PIWIL2: variants seen among roughly 807,000 people sequenced by gnomAD.
PIWIL2 encodes the protein piwi like RNA-mediated gene silencing 2.
A neutral mutation model predicts 116.5 loss-of-function variants in PIWIL2; 81 were observed. The ratio of observed to expected loss-of-function variants is 0.70; its 90% CI spans 0.58 to 0.84. The LOEUF (loss-of-function observed/expected upper bound fraction) is 0.84, where lower values mean the gene tolerates loss of function less well. Among genes scored for constraint, PIWIL2 ranks in the 40% least tolerant of loss-of-function variants. The pLI is 0.00. For synonymous variants in PIWIL2, 489 were observed against 429.5 expected (o/e 1.14, Z -1.71); for missense variants, 1,272 against 1,212.3 (o/e 1.05, Z -0.73).
At chr8:22,290,447 G>GT (rs1360217835) in intron 10 of PIWIL2, 101 bp downstream of exon 10, 4 of 664,060 alleles carry the variant, frequency 6.0e-6, no homozygotes, top group Non-Finnish European at 8.0e-6. Flanking sequence ...CTGTTTGTTT[G>GT]TTTTTTCCCC....
intron 10 of PIWIL2, among the ~76,000 whole-genome samples, chr8:22,290,789 T>C (rs531178380): frequency 3.9e-5 from 6 of 151,972 alleles, no homozygotes; most frequent in South Asian, 2.1e-4. Context: ...CTGAACTGAA[T>C]ATATGTGCCC....
At chr8:22,325,335 TC>T (rs1247119073) in intron 20 of PIWIL2, among the ~76,000 whole-genome samples, 1 of 152,160 alleles carries the variant, frequency 6.6e-6, no homozygotes, top group Non-Finnish European at 1.5e-5. Context: ...CTTCAGGTTT[TC>T]CTTTCTTCCA....
chr8:22,294,019 G>A (rs1586546944), intron 10 of PIWIL2, among the ~76,000 whole-genome samples: 1 of 152,064 alleles, frequency 6.6e-6, no homozygotes, highest in Non-Finnish European at 1.5e-5. Flanking sequence ...TGAAAAATAT[G>A]GCATGTCTTT....
intron 20 of PIWIL2, among the ~76,000 whole-genome samples, chr8:22,341,763 C>A (rs947286514): frequency 6.6e-6 from 1 of 152,042 alleles, no homozygotes; most frequent in African/African-American, 2.4e-5. Flanking sequence ...TACTATTAAT[C>A]AGCTTCCTCC....
chr8:22,348,410 A>G (rs914097400), intron 20 of PIWIL2, among the ~76,000 whole-genome samples: 1 of 151,962 alleles, frequency 6.6e-6, no homozygotes, highest in African/African-American at 2.4e-5. Context: ...CATGTCAAAC[A>G]CTCAGCAGAT....
At chr8:22,309,039 G>A (rs970671520) in intron 14 of PIWIL2, among the ~76,000 whole-genome samples, 7 of 151,876 alleles carry the variant, frequency 4.6e-5, no homozygotes, top group African/African-American at 1.7e-4. Flanking sequence ...TCGGCTCACT[G>A]CAACCTCCAC....
At chr8:22,340,245 C>T (rs1185315374) in intron 20 of PIWIL2, among the ~76,000 whole-genome samples, 3 of 151,554 alleles carry the variant, frequency 2.0e-5, no homozygotes, top group Admixed American at 2.0e-4. Flanking sequence ...TTAGTAGAGA[C>T]GGGGTTTCTC....
In PIWIL2 at chr8:22,284,239, A is replaced by G; in HGVS notation, c.710A>G (p.Asn237Ser). The change falls in exon 6 of 23, where the codon AAT (asparagine) becomes AGT (serine). Residue 237 changes from asparagine (N) to serine (S), a missense_variant. Asn to Ser is a conservative substitution (Grantham distance 46, BLOSUM62 1). Transcript: ENST00000356766. The part of the protein sequence containing the change: ...GLNLVKIQCH[N>S]EAVYQYHVTF... ...AACCTCGTCAAAATACAGTGTCATA[A>G]TGAAGCAGTTTATCAATATCATGTG... 1 of 1,601,348 alleles carries G rather than the reference A, an allele frequency of 6.2e-7. No homozygotes were observed. The highest frequency in any genetic ancestry group is 1.1e-5 in the South Asian group (1 of 89,316).
intron 2 of PIWIL2, among the ~76,000 whole-genome samples, chr8:22,279,881 G>A (rs547323047): frequency 3.3e-5 from 5 of 152,274 alleles, no homozygotes; most frequent in South Asian, 4.2e-4. Context: ...TGCTTGAACC[G>A]TGGAGGCGGA....
At chr8:22,318,073 G>T in intron 19 of PIWIL2, 97 bp from the exon 20 acceptor site, 2 of 695,772 alleles carry the variant, frequency 2.9e-6, no homozygotes, top group Non-Finnish European at 5.1e-6. Context: ...GGATTGATTG[G>T]TAGAGAAACC....
intron 5 of PIWIL2, among the ~76,000 whole-genome samples, chr8:22,283,501 C>T (rs376313810): frequency 1.2e-4 from 19 of 152,320 alleles, no homozygotes; most frequent in South Asian, 1.0e-3. Flanking sequence ...CTCCGCCTCG[C>T]GGGTTCAAGC....
chr8:22,297,973 T>C (rs1830952038), intron 10 of PIWIL2, among the ~76,000 whole-genome samples: 1 of 152,128 alleles, frequency 6.6e-6, no homozygotes, highest in African/African-American at 2.4e-5. Flanking sequence ...AAAAACAGAA[T>C]TGACTGGGTG....
At chr8:22,352,827 A>G in intron 20 of PIWIL2, 132 bp from the exon 21 acceptor site, 1 of 868,964 alleles carries the variant, frequency 1.2e-6, no homozygotes, top group Non-Finnish European at 1.8e-6. Context: ...CCCTCTAGGC[A>G]CAGTAGCTTT....
intron 22 of PIWIL2, 74 bp from the exon 23 acceptor site, chr8:22,355,275 C>G (rs1832463807): frequency 8.3e-6 from 12 of 1,444,926 alleles, no homozygotes; most frequent in Non-Finnish European, 1.2e-5. Context: ...ATCCCCGTGA[C>G]TATTGTATTG....
chr8:22,327,024 C>CTTTTTTTTTT (rs71544876), intron 20 of PIWIL2, among the ~76,000 whole-genome samples: 2 of 105,470 alleles, frequency 1.9e-5, no homozygotes, highest in Admixed American at 1.2e-4. Context: ...TGTTTTTTTA[C>CTTTTTTTTTT]TTTTTTTTTT....
intron 19 of PIWIL2, 107 bp downstream of exon 19, chr8:22,316,440 T>C: frequency 1.4e-6 from 1 of 737,316 alleles, no homozygotes; most frequent in Non-Finnish European, 2.3e-6. Context: ...AATATAAAGA[T>C]TTCTAAACAT....
Position 22,283,160 on chromosome 8 carries a change from G to A in PIWIL2, c.552G>A (p.Leu184=). Residue 184 remains leucine, a synonymous_variant, in exon 5 of 23, where the codon CTG becomes CTA. Coordinates refer to ENST00000356766, the MANE Select transcript of PIWIL2 (RefSeq NM_018068.5). ...FSTPSRGPPQ[L]SSPPALPQSP... is the part of the protein sequence containing the mutation. ...CACCGTCCCGGGGTCCCCCGCAGCT[G>A]TCATCACCACCAGCTCTGCCCCAGT... 6.2e-7 allele frequency: 1 copy of A among 1,614,172 alleles called. No homozygotes were observed. Among genetic ancestry groups the A allele is most frequent in the Non-Finnish European group, 8.5e-7 (1 of 1,180,028 alleles).
At position 22,323,449 on chromosome 8, in the gene PIWIL2, C is replaced by G. The variant is rs553708654; in HGVS notation, c.2403+5174C>G. On this transcript the variant is annotated intron_variant, in intron 20 of 22. Transcript: ENST00000356766. ...GCATGAGCTACCGCGCCCAGCCAGT[C>G]TTGATCTCTTGACCTCGTGATCCAC... Among the ~76,000 whole-genome samples, 3 of 152,172 alleles carry G rather than the reference C, an allele frequency of 2.0e-5. No homozygotes were observed. The Middle Eastern group carries it at 0.01, about 518-fold the overall frequency.
chr8:22,338,511 CA>C, intron 20 of PIWIL2, among the ~76,000 whole-genome samples: 1 of 151,960 alleles, frequency 6.6e-6, no homozygotes, highest in South Asian at 2.1e-4. Flanking sequence ...GCCAACATGG[CA>C]AAACCCCATC....
Sources: gnomAD v4.1 joint callset for allele counts (sites outside exome capture counted in the v4.1 genomes callset) on GRCh38, gnomAD v4.1.1 for gene constraint, MANE v1.5 for transcripts, NCBI Gene and HGNC (gene_info 2026-07-23, HGNC 2026-07-21) for gene names.